Variants in SLC38A11 observed in about 807,000 individuals in gnomAD.
SLC38A11 encodes solute carrier family 38 member 11, also known as putative sodium-coupled neutral amino acid transporter 11.
SLC38A11 carries 51 observed loss-of-function variants against 49.4 expected under a neutral mutation model. That is an observed-to-expected ratio of 1.03 (90% confidence interval 0.83 to 1.30). The LOEUF (loss-of-function observed/expected upper bound fraction) is 1.30, where lower values mean the gene tolerates loss of function less well. Ranked by LOEUF, SLC38A11 falls within the 50% of genes most tolerant of loss-of-function variation. SLC38A11 has a pLI of 0.00. For missense variants in SLC38A11, 574 were observed against 556.2 expected, an observed-to-expected ratio of 1.03 and a Z score of -0.32; for synonymous variants, 203 against 192.9, an observed-to-expected ratio of 1.05 and a Z score of -0.43.
At chr2:164,902,419 AC>A (rs1198048414) in intron 11 of SLC38A11, among the ~76,000 whole-genome samples, 1 of 152,178 alleles carries the variant, frequency 6.6e-6, no homozygotes, top group African/African-American at 2.4e-5. Flanking sequence ...AAAATCAGTA[AC>A]AAATGTAATA....
intron 7 of SLC38A11, among the ~76,000 whole-genome samples, chr2:164,931,957 A>G (rs1054051893): frequency 2.6e-5 from 4 of 152,242 alleles, no homozygotes; most frequent in African/African-American, 9.6e-5. Flanking sequence ...TCTGCACAGC[A>G]AAAGAAACAA....
intron 7 of SLC38A11, among the ~76,000 whole-genome samples, chr2:164,931,241 C>CAAA (rs71028455): frequency 0.016 from 1,198 of 74,574 alleles, 21 homozygotes; most frequent in African/African-American, 0.057. Context: ...TGATCCCCCA[C>CAAA]AAAAAAAAAA....
At chr2:164,928,634 C>A (rs72884466) in intron 7 of SLC38A11, among the ~76,000 whole-genome samples, 2 of 151,860 alleles carry the variant, frequency 1.3e-5, no homozygotes, top group African/African-American at 4.8e-5. Context: ...TTAACAAATA[C>A]ATTATTATTT....
At chr2:164,925,945 G>A (rs530062461) in intron 7 of SLC38A11, among the ~76,000 whole-genome samples, 1 of 152,090 alleles carries the variant, frequency 6.6e-6, no homozygotes, top group Admixed American at 6.5e-5. Context: ...GGAAACTTTG[G>A]TATCACCCTA....
intron 4 of SLC38A11, 143 bp from the exon 5 acceptor site, chr2:164,944,777 A>T: frequency 2.7e-6 from 1 of 371,014 alleles, no homozygotes; most frequent in Non-Finnish European, 5.0e-6. Context: ...CAGTTTGGAC[A>T]ACTTTAAAGA....
At chr2:164,912,511 A>G in intron 9 of SLC38A11, 1 of 152,088 alleles carries the variant, frequency 6.6e-6, no homozygotes. Context: ...TGCTATTCTT[A>G]GATCAAGAAC....
At chr2:164,918,956 C>G (rs929684189) in intron 7 of SLC38A11, among the ~76,000 whole-genome samples, 1 of 151,958 alleles carries the variant, frequency 6.6e-6, no homozygotes, top group African/African-American at 2.4e-5. Flanking sequence ...AATGGGAAGA[C>G]TCAATATCAT....
At chr2:164,921,471 G>GCCA (rs1367956317) in intron 7 of SLC38A11, among the ~76,000 whole-genome samples, 6 of 151,718 alleles carry the variant, frequency 4.0e-5, no homozygotes, top group Non-Finnish European at 7.4e-5. Flanking sequence ...ATAGGTACAT[G>GCCA]CCACCACACT....
intron 7 of SLC38A11, among the ~76,000 whole-genome samples, chr2:164,937,117 C>T (rs992613789): frequency 2.0e-5 from 3 of 152,088 alleles, no homozygotes; most frequent in African/African-American, 7.2e-5. Flanking sequence ...TACTCTAATT[C>T]TTTGGGACAT....
chr2:164,955,200 T>C lies in SLC38A11; in HGVS notation c.39+9A>G. On this transcript the variant is annotated intron_variant, in intron 1 of 11. Transcript: ENST00000685975. ...CTGGCTTCAGAACCTGCCTAGTCGCTAGTTTTACCTGCGGCGGGATGACAG... is the reference window on the plus strand; with the variant it reads ...CTGGCTTCAGAACCTGCCTAGTCGCCAGTTTTACCTGCGGCGGGATGACAG... 6.5e-7 allele frequency: 1 copy of C among 1,550,082 alleles called. No individual in the cohort carries two copies. The highest frequency in any genetic ancestry group is 1.2e-5 in the South Asian group (1 of 84,058).
intron 3 of SLC38A11, among the ~76,000 whole-genome samples, chr2:164,948,979 T>G (rs1688330158): frequency 6.6e-6 from 1 of 151,380 alleles, no homozygotes; most frequent in African/African-American, 2.4e-5. Flanking sequence ...TAAATGCCAG[T>G]CTCTGTCATC....
intron 1 of SLC38A11, among the ~76,000 whole-genome samples, 163 bp downstream of exon 1, chr2:164,955,044 GAA>G (rs4001062): frequency 0.45 from 65,771 of 144,672 alleles, 14,924 homozygotes; most frequent in South Asian, 0.68. Context: ...TGCCTGCTAA[GAA>G]AAAAAAAAAA....
chr2:164,934,186 C>A (rs530780036), intron 7 of SLC38A11, among the ~76,000 whole-genome samples: 2 of 151,884 alleles, frequency 1.3e-5, no homozygotes, highest in African/African-American at 4.8e-5. Context: ...ACTGCGAGCC[C>A]CTTAAAAGCA....
At chr2:164,915,522 T>C in intron 8 of SLC38A11, 1 of 435,316 alleles carries the variant, frequency 2.3e-6, no homozygotes, top group Non-Finnish European at 4.0e-6. Context: ...TCTCTCTCAT[T>C]TTCCTTTTCC....
chr2:164,910,749 A>G (rs1685342326), intron 10 of SLC38A11, among the ~76,000 whole-genome samples: 1 of 152,144 alleles, frequency 6.6e-6, no homozygotes, highest in South Asian at 2.1e-4. Flanking sequence ...AACAGCCTCT[A>G]GGAACAGATC....
chr2:164,904,635 T>C (rs1684873237), intron 11 of SLC38A11, among the ~76,000 whole-genome samples: 1 of 152,198 alleles, frequency 6.6e-6, no homozygotes, highest in South Asian at 2.1e-4. Flanking sequence ...AGCTATTAAC[T>C]ACATTTCTAA....
At position 164,915,490 on chromosome 2, in the gene SLC38A11, A is replaced by G. The variant is rs897991940; in HGVS notation, c.689-217T>C. On this transcript the variant is annotated intron_variant, in intron 8 of 11. Transcript: ENST00000685975. ...GTGGTCTTTTCATGTTACTCTTGAT[A>G]TAAACCAGGCCAGTCCAACATTCTC... is the stretch of plus-strand genomic sequence containing the variant. 5 of 495,712 alleles carry G rather than the reference A, an allele frequency of 1.0e-5. No homozygotes were observed. The Admixed American group carries it at 1.8e-4, about 18-fold the overall frequency. The allele number at this position is 495,712 out of a possible 1,614,324, so 30.7% of individuals were successfully genotyped here.
intron 11 of SLC38A11, among the ~76,000 whole-genome samples, chr2:164,904,562 A>G (rs781157999): frequency 6.6e-6 from 1 of 152,132 alleles, no homozygotes; most frequent in Admixed American, 6.5e-5. Flanking sequence ...TCATTATTCT[A>G]CTTATTCAGA....
rs1688740810 is a variant in SLC38A11, at chr2:164,954,757, A to G, written c.40-12T>C. 2.2e-6 allele frequency: 3 copies of G among 1,378,494 alleles called. No homozygotes were observed. The highest frequency in any genetic ancestry group is 3.0e-6 in the Non-Finnish European group (3 of 1,011,076). 85.4% of individuals were successfully genotyped at this position (1,378,494 alleles called of 1,614,324 possible). ...TCATCTAAATCTCTCTAATAGATAA[A>G]ATAGCAATTATAAGCAAATACTAGT... On this transcript the variant is annotated splice_polypyrimidine_tract_variant and intron_variant, in intron 1 of 11. Transcript: ENST00000685975.
Sources: gnomAD v4.1 joint callset for allele counts (sites outside exome capture counted in the v4.1 genomes callset) on GRCh38, gnomAD v4.1.1 for gene constraint, MANE v1.5 for transcripts, NCBI Gene and HGNC (gene_info 2026-07-23, HGNC 2026-07-21) for gene names.